Variants in CEPT1 observed in about 807,000 individuals in gnomAD.
CEPT1 encodes choline/ethanolaminephosphotransferase 1.
A neutral mutation model predicts 42.6 loss-of-function variants in CEPT1; 7 were observed. The ratio of observed to expected loss-of-function variants is 0.16; its 90% CI spans 0.09 to 0.31. The LOEUF is 0.31. Ranked by LOEUF, CEPT1 falls within the 10% of genes least tolerant of loss-of-function variation. CEPT1 has a pLI of 1.00. For synonymous variants in CEPT1, 171 were observed against 171.9 expected (o/e 0.99, Z 0.04); for missense variants, 306 against 502.1 (o/e 0.61, Z 3.73).
At chr1:111,152,144 A>G (rs984687802) in intron 2 of CEPT1, among the ~76,000 whole-genome samples, 8 of 151,444 alleles carry the variant, frequency 5.3e-5, no homozygotes, top group African/African-American at 1.9e-4. Context: ...TTGAAATATC[A>G]TGAGTTGTTT....
chr1:111,159,395 T>A lies in CEPT1; in HGVS notation c.355T>A (p.Tyr119Asn). 2 of 1,612,384 alleles carry A rather than the reference T, an allele frequency of 1.2e-6. No homozygotes were observed. Among genetic ancestry groups the A allele is most frequent in the Non-Finnish European group, 1.7e-6 (2 of 1,179,536 alleles). Residue 119 changes from tyrosine (Y) to asparagine (N), a missense_variant, in exon 3 of 9, where the codon TAT becomes AAT. Physicochemically the swap from Tyr to Asn is moderately radical, Grantham distance 143 (BLOSUM62 -2). Coordinates refer to ENST00000357172, the MANE Select transcript of CEPT1 (RefSeq NM_006090.5). Reference protein sequence around the residue: ...TATEQAPLWAYIACACGLFIY... With the variant: ...TATEQAPLWANIACACGLFIY... ...TATTTCACAGGCACCTCTGTGGGCA[T>A]ATATTGCTTGTGCCTGTGGCCTTTT... is the stretch of plus-strand genomic sequence containing the variant.
In CEPT1 at chr1:111,182,928, G is replaced by A; in HGVS notation, c.976G>A (p.Val326Met). Residue 326 changes from valine to methionine, a missense_variant, in exon 7 of 9, where the codon GTG becomes ATG. Physicochemically the swap from Val to Met is conservative, Grantham distance 21. This residue lies in a region of CEPT1 where 253 missense variants were observed against 447.3 expected (regional missense o/e 0.57). Transcript: ENST00000357172. ...PCLYILTFGF[V>M]SAKITNKLVV... ...TCTTTATATACTGACATTTGGTTTT[G>A]TGTCTGCTAAAATCACTAATAAGCT... is the stretch of plus-strand genomic sequence containing the variant. 6.2e-7 allele frequency: 1 copy of A among 1,613,322 alleles called. No individual in the cohort carries two copies. The highest frequency in any genetic ancestry group is 8.5e-7 in the Non-Finnish European group (1 of 1,179,608).
intron 4 of CEPT1, among the ~76,000 whole-genome samples, chr1:111,165,300 G>A (rs1044585613): frequency 6.6e-6 from 1 of 151,372 alleles, no homozygotes; most frequent in Non-Finnish European, 1.5e-5. Context: ...CGCCCGCCTT[G>A]GCCTCCCAAA....
chr1:111,144,679 T>C (rs1013808170), intron 1 of CEPT1, among the ~76,000 whole-genome samples: 23 of 152,206 alleles, frequency 1.5e-4, no homozygotes, highest in African/African-American at 5.5e-4. Flanking sequence ...CTTTTTTTCT[T>C]TACAGTAAGA....
At chr1:111,171,968 C>T (rs1024683665) in intron 4 of CEPT1, among the ~76,000 whole-genome samples, 1 of 152,218 alleles carries the variant, frequency 6.6e-6, no homozygotes, top group Non-Finnish European at 1.5e-5. Context: ...AACTCCCTAC[C>T]TCAGGTGATC....
At chr1:111,183,358 C>T in intron 7 of CEPT1, 104 bp from the exon 8 acceptor site, 4 of 1,325,048 alleles carry the variant, frequency 3.0e-6, no homozygotes, top group Non-Finnish European at 4.2e-6. Flanking sequence ...ACAGCTATTC[C>T]TAAATAATTA....
At chr1:111,179,603 A>G (rs1008184912) in intron 5 of CEPT1, 1 of 152,160 alleles carries the variant, frequency 6.6e-6, no homozygotes, top group African/African-American at 2.4e-5. Context: ...TGTGTTTTTT[A>G]TAAGTAGTGC....
chr1:111,180,580 A>G (rs1285686928), intron 5 of CEPT1: 1 of 152,224 alleles, frequency 6.6e-6, no homozygotes, highest in Admixed American at 6.5e-5. Context: ...TTTTAGAACT[A>G]GGTTGACCTA....
intron 4 of CEPT1, among the ~76,000 whole-genome samples, chr1:111,162,044 T>C (rs1655901703): frequency 6.6e-6 from 1 of 152,194 alleles, no homozygotes; most frequent in Non-Finnish European, 1.5e-5. Context: ...TCCATATGGT[T>C]GGATGATAAG....
intron 5 of CEPT1, among the ~76,000 whole-genome samples, chr1:111,176,661 GAGAT>G (rs368007682): frequency 6.6e-6 from 1 of 152,302 alleles, no homozygotes; most frequent in Non-Finnish European, 1.5e-5. Context: ...TATACATGAT[GAGAT>G]ATCTTGGTAT....
chr1:111,143,054 C>T (rs1157083002), intron 1 of CEPT1, among the ~76,000 whole-genome samples: 1 of 152,184 alleles, frequency 6.6e-6, no homozygotes, highest in Non-Finnish European at 1.5e-5. Context: ...TCTCAGTTAA[C>T]AAATAATTTT....
intron 1 of CEPT1, among the ~76,000 whole-genome samples, chr1:111,142,874 CA>C (rs1411370894): frequency 6.6e-6 from 1 of 152,130 alleles, no homozygotes; most frequent in Non-Finnish European, 1.5e-5. Flanking sequence ...CAGATTTTAA[CA>C]GAGGAACGGA....
chr1:111,161,052 T>A, intron 3 of CEPT1, 103 bp from the exon 4 acceptor site: 1 of 1,135,736 alleles, frequency 8.8e-7, no homozygotes. Flanking sequence ...TGAGAGAAGA[T>A]TATGCATTTA....
intron 2 of CEPT1, among the ~76,000 whole-genome samples, chr1:111,158,902 C>CTTTT (rs149230078): frequency 0.011 from 630 of 55,484 alleles, 138 homozygotes; most frequent in Non-Finnish European, 0.015. Context: ...TTTTACAATT[C>CTTTT]TTTTTTTTTT....
chr1:111,158,253 T>C (rs1460757194), intron 2 of CEPT1, among the ~76,000 whole-genome samples: 1 of 151,962 alleles, frequency 6.6e-6, no homozygotes, highest in East Asian at 1.9e-4. Context: ...CTAGGGAGGG[T>C]GAGGCAGGAG....
At chr1:111,139,677 G>A (rs991266804), upstream of CEPT1, 2 of 152,370 alleles carry the variant, frequency 1.3e-5, no homozygotes, top group African/African-American at 4.8e-5. Flanking sequence ...CTGGGACCAG[G>A]AAAAGACGCG....
In CEPT1 at chr1:111,142,773, C is replaced by A. The variant is rs549009192; in HGVS notation, c.-74+2466C>A. On this transcript the variant is annotated intron_variant, in intron 1 of 8. Coordinates refer to ENST00000357172, the MANE Select transcript of CEPT1 (RefSeq NM_006090.5). The stretch of plus-strand genomic sequence containing the variant: ...GGCCCATGCACTTGTAGAGTATACA[C>A]AACAGTCTGGGGGAAAGACCAAAAA... Among the ~76,000 whole-genome samples, 5 of 152,178 alleles carry A rather than the reference C, an allele frequency of 3.3e-5. No homozygotes were observed. The South Asian group carries it at 1.0e-3, about 32-fold the overall frequency.
intron 4 of CEPT1, chr1:111,167,024 T>C: frequency 1.8e-6 from 1 of 570,124 alleles, no homozygotes; most frequent in Non-Finnish European, 2.2e-6. Context: ...TTTAAATCTA[T>C]TTTTGTTACC....
At chr1:111,161,002 G>T in intron 3 of CEPT1, 153 bp from the exon 4 acceptor site, 244 of 634,936 alleles carry the variant, frequency 3.8e-4, no homozygotes, top group Middle Eastern at 8.6e-4. Context: ...AAGAGATTAT[G>T]TAACAGATTA....
Sources: allele counts gnomAD v4.1 joint callset (sites outside exome capture counted in the v4.1 genomes callset), GRCh38; gene constraint gnomAD v4.1.1; regional missense constraint gnomAD v4.1.1; transcripts MANE v1.5; gene names NCBI Gene and HGNC (gene_info 2026-07-23, HGNC 2026-07-21).